ATP13A4: variants seen among roughly 807,000 people sequenced by gnomAD.
The protein encoded by ATP13A4 is ATPase 13A4.
A neutral mutation model predicts 142.5 loss-of-function variants in ATP13A4; 114 were observed. The observed-to-expected ratio is 0.80, with a 90% CI of 0.69 to 0.93. The LOEUF is 0.93. ATP13A4 is among the 40% of genes least tolerant of loss of function. The pLI, the probability that ATP13A4 is intolerant of heterozygous loss-of-function variation, is 0.00. For missense variants in ATP13A4, 1,392 were observed against 1,454.0 expected (o/e 0.96, Z 0.69); for synonymous variants, 488 against 514.8 (o/e 0.95, Z 0.70).
chr3:193,409,317 T>G (rs1015174400), intron 28 of ATP13A4, among the ~76,000 whole-genome samples: 2 of 152,120 alleles, frequency 1.3e-5, no homozygotes, highest in Non-Finnish European at 2.9e-5. Context: ...TGCCCGCACA[T>G]TCTACATTTT....
chr3:193,487,016 A>T (rs1719668437), intron 7 of ATP13A4, among the ~76,000 whole-genome samples: 1 of 152,200 alleles, frequency 6.6e-6, no homozygotes, highest in Non-Finnish European at 1.5e-5. Flanking sequence ...AGAAAAATGG[A>T]GCCTTTACAT....
rs1044866777 is a variant in ATP13A4 at position 193,440,723 on chromosome 3, A to C, written c.2440-86T>G. 6.2e-5 allele frequency: 86 copies of C among 1,382,140 alleles called. 1 individual carries two copies. In the Middle Eastern group the frequency reaches 1.6e-3, roughly 26 times the overall value. The allele number at this position is 1,382,140 out of a possible 1,614,324, so 85.6% of individuals were successfully genotyped here. On this transcript the variant is annotated intron_variant, in intron 20 of 29. Coordinates refer to ENST00000342695, the MANE Select transcript of ATP13A4 (RefSeq NM_032279.4). Reference sequence around the variant, plus strand: ...TACTAACACTCAGAATGTTGACTGCATCATGACACTTACGATGAAGAAAAA... The same window carrying C: ...TACTAACACTCAGAATGTTGACTGCCTCATGACACTTACGATGAAGAAAAA...
At chr3:193,464,248 A>G (rs948457171) in intron 12 of ATP13A4, among the ~76,000 whole-genome samples, 1 of 151,714 alleles carries the variant, frequency 6.6e-6, no homozygotes, top group South Asian at 2.1e-4. Flanking sequence ...TCAAAACCAC[A>G]CTCTCTTGCT....
At chr3:193,573,276 C>CAT (rs1553862244) in intron 2 of ATP13A4, among the ~76,000 whole-genome samples, 47 of 77,832 alleles carry the variant, frequency 6.0e-4, no homozygotes, top group South Asian at 2.5e-3. Flanking sequence ...TATATATATA[C>CAT]ATATATATAT....
Position 193,584,519 on chromosome 3 carries a change from A to G in ATP13A4, n.92-2613T>C, listed in dbSNP as rs149812287. ...ATACCAGCTGAAATCAATTCTACAC[A>G]GCACACAAGGCTCTTTGCCTGTTAT... On this transcript the variant is annotated intron_variant and non_coding_transcript_variant, in intron 1 of 3. Coordinates refer to the ATP13A4 transcript ENST00000489140. 4.5e-3 allele frequency among the ~76,000 whole-genome samples: 693 copies of G among 152,334 alleles called. 4 individuals carry two copies. The highest frequency in any genetic ancestry group is 0.016 in the African/African-American group (664 of 41,578).
intron 2 of ATP13A4, among the ~76,000 whole-genome samples, chr3:193,506,721 T>C (rs1456104347): frequency 1.3e-5 from 2 of 152,162 alleles, no homozygotes; most frequent in Non-Finnish European, 1.5e-5. Context: ...GTTCTCATGA[T>C]AGTGAGTAAG....
intron 1 of ATP13A4, among the ~76,000 whole-genome samples, chr3:193,547,288 T>G (rs1286933383): frequency 6.6e-6 from 1 of 152,220 alleles, no homozygotes; most frequent in African/African-American, 2.4e-5. Flanking sequence ...TGATGTAACA[T>G]CCTTTAAAAT....
At chr3:193,465,336 C>A (rs766131322) in intron 11 of ATP13A4, among the ~76,000 whole-genome samples, 1 of 152,064 alleles carries the variant, frequency 6.6e-6, no homozygotes, top group Non-Finnish European at 1.5e-5. Context: ...TACAGGCACA[C>A]GCCACCACAC....
At position 193,493,257 on chromosome 3, in the gene ATP13A4, T is replaced by C. The variant is rs1720042997; in HGVS notation, c.382-97A>G. The C allele has an allele frequency of 6.9e-6, 7 of 1,010,358 alleles. No homozygotes were observed. In the South Asian group the frequency reaches 8.3e-5, roughly 12 times the overall value. The allele number at this position is 1,010,358 out of a possible 1,614,324, so 62.6% of individuals were successfully genotyped here. A position where few individuals can be genotyped will look rare whatever the true frequency, so the allele number is the denominator to read the frequency against. ...GAAGCATTTGTTTGAAAAGCAAAGA[T>C]AAAACTCTAACATACTTATTTAAGA... On this transcript the variant is annotated intron_variant, in intron 3 of 29. Transcript: ENST00000342695.
intron 5 of ATP13A4, 65 bp downstream of exon 5, chr3:193,492,852 G>C: frequency 8.7e-7 from 1 of 1,154,656 alleles, no homozygotes; most frequent in Non-Finnish European, 1.3e-6. Flanking sequence ...CTATTTACTA[G>C]CTGTCTATTT....
chr3:193,573,308 C>CGTATATATATATATATTTTTATATATAT (rs1229145689), intron 2 of ATP13A4, among the ~76,000 whole-genome samples: 2 of 103,672 alleles, frequency 1.9e-5, no homozygotes, highest in African/African-American at 9.5e-5. Context: ...TATATATATA[C>CGTATATATATATATATTTTTATATATAT]ATATATATAT....
In ATP13A4 at chr3:193,492,964, T is replaced by G. The variant is rs771336604; in HGVS notation, c.486A>C (p.Ile162=). 4 of 1,611,624 alleles carry G rather than the reference T, an allele frequency of 2.5e-6. No individual in the cohort carries two copies. In the East Asian group the frequency reaches 8.9e-5, roughly 36 times the overall value. Residue 162 remains isoleucine (I), a synonymous_variant, in exon 5 of 30, where the codon ATA becomes ATC. Coordinates refer to ENST00000342695, the MANE Select transcript of ATP13A4 (RefSeq NM_032279.4). ...SLEDWLSSAK[I]HQKFGSGLTR... ...TCAAGCCTGATCCAAATTTTTGATGTATCTTGGCAGAACTAAGCCAGTCTT... is the reference window on the plus strand; with the variant it reads ...TCAAGCCTGATCCAAATTTTTGATGGATCTTGGCAGAACTAAGCCAGTCTT...
intron 1 of ATP13A4, among the ~76,000 whole-genome samples, chr3:193,585,804 C>T (rs1052946006): frequency 6.6e-6 from 1 of 152,110 alleles, no homozygotes; most frequent in African/African-American, 2.4e-5. Context: ...CATGTTTGTA[C>T]AAGACTTTCC....
intron 7 of ATP13A4, among the ~76,000 whole-genome samples, chr3:193,486,757 T>C (rs766262759): frequency 3.1e-4 from 47 of 152,252 alleles, no homozygotes; most frequent in Non-Finnish European, 5.6e-4. Context: ...GCTATTAGCA[T>C]ATGCCTTTAG....
At chr3:193,491,476 C>T (rs998637147) in intron 5 of ATP13A4, 78 bp from the exon 6 acceptor site, 2 of 1,037,872 alleles carry the variant, frequency 1.9e-6, no homozygotes, top group Admixed American at 3.4e-5. Flanking sequence ...AGAAAAAGGT[C>T]TATTCCATGT....
At position 193,465,669 on chromosome 3, in the gene ATP13A4, G is replaced by T. The variant is rs143359029; in HGVS notation, c.1272+356C>A. 5.2e-3 allele frequency among the ~76,000 whole-genome samples: 797 copies of T among 152,142 alleles called. 6 individuals carry two copies. The highest frequency in any genetic ancestry group is 0.019 in the African/African-American group (774 of 41,498). On this transcript the variant is annotated intron_variant, in intron 11 of 29. Transcript: ENST00000342695. ...GTCTGCCATGACCTCACCAAAACTG[G>T]GTGTCTGATTTTATTTAAAATCCCT...
At chr3:193,534,783 G>A (rs189650660) in intron 1 of ATP13A4, among the ~76,000 whole-genome samples, 1 of 152,116 alleles carries the variant, frequency 6.6e-6, no homozygotes, top group East Asian at 1.9e-4. Context: ...GAAGGAGAGG[G>A]GAGAGGGGAA....
At chr3:193,452,946 T>A (rs1007587655) in intron 17 of ATP13A4, among the ~76,000 whole-genome samples, 4 of 152,162 alleles carry the variant, frequency 2.6e-5, no homozygotes, top group Non-Finnish European at 4.4e-5. Context: ...GGGAGGAGAT[T>A]GTACTGTTTT....
intron 2 of ATP13A4, among the ~76,000 whole-genome samples, chr3:193,505,213 A>G (rs1352316106): frequency 6.6e-6 from 1 of 152,202 alleles, no homozygotes; most frequent in Admixed American, 6.5e-5. Flanking sequence ...GACAAATAGT[A>G]TCCAGTTTCT....
Sources: allele counts gnomAD v4.1 joint callset (sites outside exome capture counted in the v4.1 genomes callset), GRCh38; gene constraint gnomAD v4.1.1; transcripts MANE v1.5; gene names NCBI Gene and HGNC (gene_info 2026-07-23, HGNC 2026-07-21).